CEP43: variants seen among roughly 807,000 people sequenced by gnomAD.
CEP43 encodes FGFR1 oncogene partner.
CEP43 carries 36 observed loss-of-function variants against 52.6 expected under a neutral mutation model. The observed-to-expected ratio is 0.68, with a 90% CI of 0.52 to 0.90. The LOEUF is 0.90. Ranked by LOEUF, CEP43 falls within the 40% of genes least tolerant of loss-of-function variation. CEP43 has a pLI of 0.00. For missense variants in CEP43, 506 were observed against 472.8 expected, an observed-to-expected ratio of 1.07 and a Z score of -0.65; for synonymous variants, 192 against 172.4, an observed-to-expected ratio of 1.11 and a Z score of -0.89.
Position 167,031,147 on chromosome 6 carries a change from C to T in CEP43, c.989-1456C>T, listed in dbSNP as rs922593883. 2.0e-5 allele frequency among the ~76,000 whole-genome samples: 3 copies of T among 152,080 alleles called. No homozygotes were observed. In the East Asian group the frequency reaches 5.8e-4, roughly 29 times the overall value. On this transcript the variant is annotated intron_variant, in intron 10 of 12. Coordinates refer to ENST00000366847, the MANE Select transcript of CEP43 (RefSeq NM_007045.4). ...ATGTTGCCCAGGCTGGTCTCAAACT[C>T]CTGGGTGCAAGTGATCCTCCTGCCT...
chr6:167,041,844 G>GT lies in CEP43; in HGVS notation c.*1866_*1867insT. The GT allele has an allele frequency of 6.9e-6, 1 of 144,934 alleles. No homozygotes were observed. The highest frequency in any genetic ancestry group is 1.2e-5 in the Non-Finnish European group (1 of 80,404). The allele number at this position is 144,934 out of a possible 1,614,324, so 9.0% of individuals were successfully genotyped here. A position where few individuals can be genotyped will look rare whatever the true frequency, so the allele number is the denominator to read the frequency against. On this transcript the variant is annotated 3_prime_UTR_variant, in exon 13 of 13. Coordinates refer to ENST00000366847, the MANE Select transcript of CEP43 (RefSeq NM_007045.4). ...TCTTTTTTTTGCGGGGGGCGGGGGGGACAGAGTCTCACTGTGTCACTCAGA... is the reference window on the plus strand; with the variant it reads ...TCTTTTTTTTGCGGGGGGCGGGGGGGTACAGAGTCTCACTGTGTCACTCAGA...
At chr6:167,020,374 A>C (rs928820496) in intron 7 of CEP43, among the ~76,000 whole-genome samples, 4 of 152,254 alleles carry the variant, frequency 2.6e-5, no homozygotes, top group Non-Finnish European at 4.4e-5. Context: ...ATGTAAACGT[A>C]TATCATAAGA....
At chr6:167,002,859 C>T (rs1023883565) in intron 2 of CEP43, among the ~76,000 whole-genome samples, 5 of 152,064 alleles carry the variant, frequency 3.3e-5, no homozygotes, top group South Asian at 2.1e-4. Flanking sequence ...ATGGTAGATA[C>T]CTGAGATGAC....
rs1303184387 is a variant in CEP43 at position 167,045,457 on chromosome 6, C to T, written c.*5479C>T. Reference sequence around the variant, plus strand: ...CTTTAAAAACCAATTTTGGGCCGGGCACGGTGGCTCACGCCTGTAATCCCA... The same window carrying T: ...CTTTAAAAACCAATTTTGGGCCGGGTACGGTGGCTCACGCCTGTAATCCCA... On this transcript the variant is annotated 3_prime_UTR_variant, in exon 13 of 13. Coordinates refer to ENST00000366847, the MANE Select transcript of CEP43 (RefSeq NM_007045.4). 2.7e-5 allele frequency: 4 copies of T among 150,420 alleles called. No homozygotes were observed. Among genetic ancestry groups the T allele is most frequent in the Non-Finnish European group, 5.9e-5 (4 of 67,696 alleles). The allele number at this position is 150,420 out of a possible 1,614,324, so 9.3% of individuals were successfully genotyped here.
chr6:167,038,693 A>C (rs1161942072), intron 12 of CEP43, among the ~76,000 whole-genome samples: 1 of 152,266 alleles, frequency 6.6e-6, no homozygotes, highest in Non-Finnish European at 1.5e-5. Flanking sequence ...GTACTAACTT[A>C]GTAGACATGA....
chr6:167,017,535 C>T (rs1231924939), intron 7 of CEP43, among the ~76,000 whole-genome samples: 3 of 150,608 alleles, frequency 2.0e-5, no homozygotes, highest in East Asian at 3.9e-4. Flanking sequence ...TTTTGCAAAA[C>T]AATAGTATTT....
intron 12 of CEP43, among the ~76,000 whole-genome samples, chr6:167,034,254 C>G (rs1315840020): frequency 6.6e-6 from 1 of 152,062 alleles, no homozygotes; most frequent in Non-Finnish European, 1.5e-5. Flanking sequence ...CAGGGTGGGT[C>G]AGGCTTAGTG....
intron 7 of CEP43, among the ~76,000 whole-genome samples, chr6:167,018,650 A>T (rs1780156257): frequency 6.6e-6 from 1 of 152,170 alleles, no homozygotes; most frequent in African/African-American, 2.4e-5. Flanking sequence ...TCGGCCTCCC[A>T]AAGTGCTGGG....
intron 10 of CEP43, chr6:167,027,958 C>T (rs1780389793): frequency 1.0e-6 from 1 of 986,132 alleles, no homozygotes; most frequent in Non-Finnish European, 1.2e-6. Flanking sequence ...CTGCCATCTG[C>T]TCTTTGTGCG....
chr6:167,025,085 T>C, intron 9 of CEP43, 191 bp downstream of exon 9: 1 of 513,666 alleles, frequency 1.9e-6, no homozygotes, highest in Non-Finnish European at 3.4e-6. Flanking sequence ...TTATATGTTG[T>C]TTTGTATTCT....
chr6:167,020,007 A>G (rs16899792), intron 7 of CEP43, among the ~76,000 whole-genome samples: 6,234 of 152,356 alleles, frequency 0.041, 194 homozygotes, highest in Non-Finnish European at 0.067. Flanking sequence ...ATATGTTTAA[A>G]TATCACATCA....
intron 5 of CEP43, 144 bp downstream of exon 5, chr6:167,004,545 A>G: frequency 1.7e-6 from 1 of 596,640 alleles, no homozygotes; most frequent in Non-Finnish European, 2.6e-6. Context: ...TTCAGATTGT[A>G]TCAATGCAAA....
chr6:167,034,502 T>C (rs1299552339), intron 12 of CEP43, among the ~76,000 whole-genome samples: 1 of 152,208 alleles, frequency 6.6e-6, no homozygotes, highest in Non-Finnish European at 1.5e-5. Context: ...GATCCTTCGA[T>C]GGTGAGCTGT....
At chr6:167,021,495 T>C (rs574109718) in intron 7 of CEP43, among the ~76,000 whole-genome samples, 70 of 152,346 alleles carry the variant, frequency 4.6e-4, no homozygotes, top group Middle Eastern at 3.4e-3. Flanking sequence ...GCTGCTTTTA[T>C]TATTACTAGC....
rs143418436 is a variant in CEP43 at position 167,005,860 on chromosome 6, C to T, written c.438+1459C>T. 4.0e-4 allele frequency among the ~76,000 whole-genome samples: 61 copies of T among 152,280 alleles called. 2 individuals carry two copies. Among genetic ancestry groups the T allele is most frequent in the Middle Eastern group, 6.8e-3 (2 of 294 alleles). The stretch of plus-strand genomic sequence containing the variant: ...TCTCTTCTCTTTCTAACTGCCCTTT[C>T]ATTTTCTTTTCTGTTTAGTAGTTGT... On this transcript the variant is annotated intron_variant, in intron 5 of 12. Coordinates refer to ENST00000366847, the MANE Select transcript of CEP43 (RefSeq NM_007045.4).
intron 9 of CEP43, 92 bp downstream of exon 9, chr6:167,024,986 A>G: frequency 1.4e-6 from 1 of 721,316 alleles, no homozygotes. Flanking sequence ...TTCCCAGGAA[A>G]ATCACTAAAA....
intron 10 of CEP43, 120 bp from the exon 11 acceptor site, chr6:167,032,483 C>T: frequency 1.2e-6 from 1 of 808,942 alleles, no homozygotes; most frequent in Non-Finnish European, 1.8e-6. Context: ...AATGTTATTT[C>T]TAGTCTGGGA....
Position 167,040,726 on chromosome 6 carries a change from A to G in CEP43, c.*748A>G. ...TAGGTTCTCTTCATTATAATTTATTATCTGTAAAGATTCCTTGAAACTTAA... is the reference window on the plus strand; with the variant it reads ...TAGGTTCTCTTCATTATAATTTATTGTCTGTAAAGATTCCTTGAAACTTAA... On this transcript the variant is annotated 3_prime_UTR_variant, in exon 13 of 13. Coordinates refer to ENST00000366847, the MANE Select transcript of CEP43 (RefSeq NM_007045.4). The G allele has an allele frequency of 2.0e-6, 2 of 1,015,954 alleles. No individual in the cohort carries two copies. Among genetic ancestry groups the G allele is most frequent in the Non-Finnish European group, 2.4e-6 (2 of 845,552 alleles). 62.9% of individuals were successfully genotyped at this position (1,015,954 alleles called of 1,614,324 possible). A position where few individuals can be genotyped will look rare whatever the true frequency, so the allele number is the denominator to read the frequency against.
rs1780669977 is a variant in CEP43, at chr6:167,040,329, T to A, written c.*351T>A. On this transcript the variant is annotated 3_prime_UTR_variant, in exon 13 of 13. Transcript: ENST00000366847. ...GTAGGATCGCGCAACCCTTTGTGTG[T>A]GTGGCTGCTGGTACGTGTGATCTTT... 2.1e-6 allele frequency: 3 copies of A among 1,422,612 alleles called. No homozygotes were observed. Among genetic ancestry groups the A allele is most frequent in the Non-Finnish European group, 2.7e-6 (3 of 1,095,166 alleles). 88.1% of individuals were successfully genotyped at this position (1,422,612 alleles called of 1,614,324 possible).
Sources: gnomAD v4.1 joint callset for allele counts (sites outside exome capture counted in the v4.1 genomes callset) on GRCh38, gnomAD v4.1.1 for gene constraint, MANE v1.5 for transcripts, NCBI Gene and HGNC (gene_info 2026-07-23, HGNC 2026-07-21) for gene names.